The following COX11 variants were observed in gnomAD, a reference collection of about 807,000 sequenced individuals.
COX11 encodes the protein cytochrome c oxidase copper chaperone COX11.
Under a neutral mutation model 29.4 loss-of-function variants are expected in COX11, and 18 were observed. The ratio of observed to expected loss-of-function variants is 0.61; its 90% confidence interval spans 0.42 to 0.91. The LOEUF (loss-of-function observed/expected upper bound fraction) is 0.91. Among genes scored for constraint, COX11 ranks in the 40% least tolerant of loss-of-function variants. The probability of loss-of-function intolerance (pLI) is 0.00; values close to 1 mark genes in which losing one functional copy is unlikely to be tolerated. For missense variants in COX11, 312 were observed against 346.0 expected (o/e 0.90, Z 0.78); for synonymous variants, 131 against 124.0 (o/e 1.06, Z -0.38).
At chr17:54,954,258 A>C (rs1426518665) in exon 1 of COX11, 1 of 152,176 alleles carries the variant, frequency 6.6e-6, no homozygotes, top group African/African-American at 2.4e-5. Context: ...TTATGTGTGG[A>C]GAATATTCTC....
chr17:54,961,777 G>T lies in COX11; in HGVS notation c.*956C>A. On this transcript the variant is annotated 3_prime_UTR_variant, in exon 4 of 4. Transcript: ENST00000299335. ...TAATTGTCATTTAATTATATTTCAG[G>T]TGTCCTGAACAGGTCACTAGACTCT... 9.9e-7 allele frequency: 1 copy of T among 1,013,104 alleles called. No individual in the cohort carries two copies. Among genetic ancestry groups the T allele is most frequent in the Non-Finnish European group, 1.2e-6 (1 of 847,840 alleles). The allele number at this position is 1,013,104 out of a possible 1,614,324, so 62.8% of individuals were successfully genotyped here.
At chr17:54,954,123 G>C (rs2049371619) in exon 1 of COX11, 1 of 152,146 alleles carries the variant, frequency 6.6e-6, no homozygotes, top group African/African-American at 2.4e-5. Context: ...ACCTCAACGG[G>C]CCAGGTCACC....
downstream of COX11, among the ~76,000 whole-genome samples, chr17:54,955,816 A>T (rs1310853498): frequency 6.6e-6 from 1 of 152,204 alleles, no homozygotes; most frequent in Non-Finnish European, 1.5e-5. Flanking sequence ...TAGTTCATGG[A>T]GCTGCTGCTT....
rs1322758438 is a variant in COX11 at position 54,961,360 on chromosome 17, C to G, written c.*1373G>C. On this transcript the variant is annotated 3_prime_UTR_variant, in exon 4 of 4. Coordinates refer to ENST00000299335, the MANE Select transcript of COX11 (RefSeq NM_004375.5). ...ATGTCAAAGCCATGGTGGCACATTT[C>G]TGCTATAATGAAGATTAAATAGAAT... 5 of 1,551,190 alleles carry G rather than the reference C, an allele frequency of 3.2e-6. No individual in the cohort carries two copies. The Admixed American group carries it at 9.8e-5, about 30-fold the overall frequency.
chr17:54,958,746 A>G (rs1422590691), downstream of COX11, among the ~76,000 whole-genome samples: 2 of 141,096 alleles, frequency 1.4e-5, no homozygotes, highest in Non-Finnish European at 3.2e-5. Context: ...AAAAAAAAAA[A>G]AAGGGGTTGT....
At chr17:54,960,299 A>T (rs1406624975), downstream of COX11, among the ~76,000 whole-genome samples, 1 of 152,198 alleles carries the variant, frequency 6.6e-6, no homozygotes, top group East Asian at 1.9e-4. Flanking sequence ...TGGGAGGCAG[A>T]GGTTGCAGTG....
chr17:54,967,939 C>G (rs1000937993), intron 1 of COX11, among the ~76,000 whole-genome samples: 1 of 148,794 alleles, frequency 6.7e-6, no homozygotes, highest in Non-Finnish European at 1.5e-5. Flanking sequence ...ATTTTAAAAG[C>G]GTGTGTGCGC....
chr17:54,956,825 CAGG>C (rs1235575485), downstream of COX11: 1 of 151,258 alleles, frequency 6.6e-6, no homozygotes, highest in African/African-American at 2.5e-5. Context: ...AGGAAAGTGA[CAGG>C]AGGGTTTTAT....
chr17:54,952,107 T>C (rs2049263759), exon 1 of COX11: 1 of 152,186 alleles, frequency 6.6e-6, no homozygotes, highest in African/African-American at 2.4e-5. Flanking sequence ...TTGAAATTTT[T>C]CTAATCTGGA....
rs748702780 is a variant in COX11 at position 54,968,622 on chromosome 17, A to T, written c.25T>A (p.Trp9Arg). 3.1e-6 allele frequency: 5 copies of T among 1,612,704 alleles called. No homozygotes were observed. Among genetic ancestry groups the T allele is most frequent in the Non-Finnish European group, 4.2e-6 (5 of 1,179,954 alleles). The change falls in exon 1 of 4, where the codon TGG (tryptophan) becomes AGG (arginine). Residue 9 changes from tryptophan (W) to arginine (R), a missense_variant. Coordinates refer to ENST00000299335, the MANE Select transcript of COX11 (RefSeq NM_004375.5). Reference protein sequence around the residue: MGGLWRPGWRCVPFCGWRW... With the variant: MGGLWRPGRRCVPFCGWRW... ...CAGCCACAGAAAGGAACGCACCTCCATCCAGGACGCCAGAGCCCTCCCATA... is the reference window on the plus strand; with the variant it reads ...CAGCCACAGAAAGGAACGCACCTCCTTCCAGGACGCCAGAGCCCTCCCATA...
chr17:54,954,357 CAT>C (rs2049383548), exon 1 of COX11: 3 of 152,238 alleles, frequency 2.0e-5, no homozygotes, highest in Admixed American at 1.3e-4. Context: ...TTAAAAAACA[CAT>C]AGACCCGAGC....
chr17:54,962,260 A>G lies in COX11; in HGVS notation c.*473T>C. 1 of 985,476 alleles carries G rather than the reference A, an allele frequency of 1.0e-6. No individual in the cohort carries two copies. Among genetic ancestry groups the G allele is most frequent in the Non-Finnish European group, 1.2e-6 (1 of 829,946 alleles). 61.0% of individuals were successfully genotyped at this position (985,476 alleles called of 1,614,324 possible). On this transcript the variant is annotated 3_prime_UTR_variant, in exon 4 of 4. Coordinates refer to ENST00000299335, the MANE Select transcript of COX11 (RefSeq NM_004375.5). ...CTCCTCTTCTACTTTGAGCTTTTAA[A>G]ATACTGACTATTCATAATGAAGGAA...
In COX11 at chr17:54,962,747, G is replaced by C. The variant is rs2077151816; in HGVS notation, c.817C>G (p.Pro273Ala). The C allele has an allele frequency of 6.2e-7, 1 of 1,611,154 alleles. No homozygotes were observed. The highest frequency in any genetic ancestry group is 8.5e-7 in the Non-Finnish European group (1 of 1,179,046). The change falls in exon 4 of 4, where the codon CCA becomes GCA. Residue 273 changes from proline to alanine, a missense_variant. Physicochemically the swap from Pro to Ala is conservative, Grantham distance 27. Transcript: ENST00000299335. Reference protein sequence around the residue: ...EAKEGHKLPVPGYN With the variant: ...EAKEGHKLPVAGYN ...AGTTGCTGACTTCAATTATATCCTG[G>C]AACTGGCAACTTGTGCCCTTCCTTT...
In COX11 at chr17:54,961,689, A is replaced by T; in HGVS notation, c.*1044T>A. Reference sequence around the variant, plus strand: ...CCTTCATTTAACTAAAGTTGAATGTAAAAGTCAATTTGCACTTCTTTATAA... The same window carrying T: ...CCTTCATTTAACTAAAGTTGAATGTTAAAGTCAATTTGCACTTCTTTATAA... On this transcript the variant is annotated 3_prime_UTR_variant, in exon 4 of 4. Coordinates refer to ENST00000299335, the MANE Select transcript of COX11 (RefSeq NM_004375.5). 2 of 1,048,772 alleles carry T rather than the reference A, an allele frequency of 1.9e-6. No homozygotes were observed. Among genetic ancestry groups the T allele is most frequent in the Non-Finnish European group, 2.3e-6 (2 of 869,984 alleles). The allele number at this position is 1,048,772 out of a possible 1,614,324, so 65.0% of individuals were successfully genotyped here.
chr17:54,963,159 A>T, intron 3 of COX11, 147 bp downstream of exon 3: 1 of 904,708 alleles, frequency 1.1e-6, no homozygotes, highest in East Asian at 2.6e-5. Context: ...ATCTCTGCAT[A>T]GCAGGTATAG....
At chr17:54,953,486 A>C (rs1448498233) in exon 1 of COX11, 1 of 152,256 alleles carries the variant, frequency 6.6e-6, no homozygotes, top group Non-Finnish European at 1.5e-5. Context: ...CCCATCCATC[A>C]GTTTCTTGTC....
rs1429861065 is a variant in COX11 at position 54,968,337 on chromosome 17, C to T, written c.310G>A (p.Val104Met). The T allele has an allele frequency of 6.2e-7, 1 of 1,612,816 alleles. No homozygotes were observed. Among genetic ancestry groups the T allele is most frequent in the Non-Finnish European group, 8.5e-7 (1 of 1,179,942 alleles). The change falls in exon 1 of 4, where the codon GTG becomes ATG. Residue 104 changes from valine to methionine, a missense_variant. This residue lies in a region of COX11 where 182 missense variants were observed against 240.0 expected (regional missense o/e 0.76). Transcript: ENST00000299335. The part of the protein sequence containing the change: ...TTLTYVAAVA[V>M]GMLGASYAAV... ...GCGTAGGACGCCCCCAGCATGCCCA[C>T]GGCGACAGCGGCCACGTAAGTGAGG... is the stretch of plus-strand genomic sequence containing the variant.
At chr17:54,964,486 A>T in intron 2 of COX11, 1 of 533,750 alleles carries the variant, frequency 1.9e-6, no homozygotes, top group Non-Finnish European at 3.3e-6. Flanking sequence ...ATTCCCATAG[A>T]CTACTTTTTA....
exon 1 of COX11, chr17:54,954,544 G>A (rs1313308896): frequency 6.6e-6 from 1 of 152,252 alleles, no homozygotes; most frequent in Non-Finnish European, 1.5e-5. Context: ...GGCAAATACA[G>A]AACGGGCCCT....
Sources: gnomAD v4.1 joint callset for allele counts (sites outside exome capture counted in the v4.1 genomes callset) on GRCh38, gnomAD v4.1.1 for gene constraint, gnomAD v4.1.1 regional missense constraint, MANE v1.5 for transcripts, NCBI Gene and HGNC (gene_info 2026-07-23, HGNC 2026-07-21) for gene names.